Variants in RMND5B observed in about 807,000 individuals in gnomAD.
RMND5B encodes the protein required for meiotic nuclear division 5 homolog B.
RMND5B carries 42 observed loss-of-function variants against 50.4 expected under a neutral mutation model. The ratio of observed to expected loss-of-function variants is 0.83; its 90% confidence interval spans 0.65 to 1.08. The LOEUF is 1.08. Ranked by LOEUF, RMND5B falls within the 50% of genes least tolerant of loss-of-function variation. The probability of loss-of-function intolerance (pLI) is 0.00; values close to 1 mark genes in which losing one functional copy is unlikely to be tolerated. For synonymous variants in RMND5B, 220 were observed against 210.0 expected (o/e 1.05, Z -0.41); for missense variants, 463 against 508.5 (o/e 0.91, Z 0.86).
chr5:178,149,899 C>A lies in RMND5B; in HGVS notation c.*1867C>A. ...CTGTACAACCTGTATGCCAGGAAGT[C>A]ACCAACTGATGACCCACCAGCCTAA... is the stretch of plus-strand genomic sequence containing the variant. On this transcript the variant is annotated 3_prime_UTR_variant, in exon 11 of 11. Transcript: ENST00000313386. The A allele has an allele frequency of 6.3e-7, 1 of 1,588,652 alleles. No homozygotes were observed. The highest frequency in any genetic ancestry group is 1.1e-5 in the South Asian group (1 of 88,346).
Position 178,147,600 on chromosome 5 carries a change from T to C in RMND5B, c.928T>C (p.Cys310Arg), listed in dbSNP as rs1756091705. The C allele has an allele frequency of 6.2e-7, 1 of 1,614,146 alleles. No homozygotes were observed. Among genetic ancestry groups the C allele is most frequent in the Admixed American group, 1.7e-5 (1 of 60,006 alleles). Residue 310 changes from cysteine (C) to arginine (R), a missense_variant, in exon 9 of 11, where the codon TGC becomes CGC. Coordinates refer to ENST00000313386, the MANE Select transcript of RMND5B (RefSeq NM_022762.5). ...NIKAVIEQRQ[C>R]TGVWNHKDEL... ...CAAGGCTGTGATTGAGCAGCGGCAG[T>C]GCACTGGGGTCTGGAATCACAAGGA... is the stretch of plus-strand genomic sequence containing the variant.
intron 2 of RMND5B, among the ~76,000 whole-genome samples, chr5:178,132,547 G>A (rs1002625138): frequency 1.3e-5 from 2 of 151,786 alleles, no homozygotes; most frequent in African/African-American, 2.4e-5. Flanking sequence ...GCCCTGCATG[G>A]ACCACTTACA....
At chr5:178,144,286 C>G (rs1755858216) in intron 7 of RMND5B, among the ~76,000 whole-genome samples, 178 bp downstream of exon 7, 2 of 152,234 alleles carry the variant, frequency 1.3e-5, no homozygotes, top group South Asian at 2.1e-4. Flanking sequence ...GACTCCTCCT[C>G]TCTCACATCT....
chr5:178,133,231 C>T (rs1758430610), intron 2 of RMND5B, among the ~76,000 whole-genome samples: 1 of 152,148 alleles, frequency 6.6e-6, no homozygotes, highest in Admixed American at 6.5e-5. Flanking sequence ...TCTCCTTACA[C>T]AGGAGCCCCT....
chr5:178,147,957 C>T lies in RMND5B; in HGVS notation c.1119-12C>T, dbSNP rs1756126740. The T allele has an allele frequency of 6.2e-7, 1 of 1,614,190 alleles. No individual in the cohort carries two copies. Among genetic ancestry groups the T allele is most frequent in the Non-Finnish European group, 8.5e-7 (1 of 1,180,036 alleles). On this transcript the variant is annotated splice_polypyrimidine_tract_variant and intron_variant, in intron 10 of 10. Transcript: ENST00000313386. ...CACCCCTGAGACGTTCTCGGTTCTCCTCCCTTTGCAGGCTGAAGTGTCCCT... is the reference window on the plus strand; with the variant it reads ...CACCCCTGAGACGTTCTCGGTTCTCTTCCCTTTGCAGGCTGAAGTGTCCCT...
chr5:178,147,303 C>T, intron 8 of RMND5B: 1 of 572,352 alleles, frequency 1.7e-6, no homozygotes, highest in East Asian at 2.9e-5. Context: ...AGGAAGTCTT[C>T]CCTGTAGGTT....
intron 7 of RMND5B, 162 bp from the exon 8 acceptor site, chr5:178,145,952 T>C: frequency 3.2e-6 from 2 of 634,602 alleles, no homozygotes; most frequent in Middle Eastern, 4.4e-4. Context: ...GATTTTACAG[T>C]CAAATTTGCC....
rs376883736 is a variant in RMND5B at position 178,147,895 on chromosome 5, G to A, written c.1118+12G>A. 20 of 1,613,982 alleles carry A rather than the reference G, an allele frequency of 1.2e-5. 1 individual carries two copies. The African/African-American group carries it at 1.3e-4, about 11-fold the overall frequency. On this transcript the variant is annotated intron_variant, in intron 10 of 10. Transcript: ENST00000313386. The stretch of plus-strand genomic sequence containing the variant: ...ATTAATGGAGGAAAGTAAGTTCCCC[G>A]TGCTCTACTCCACCTTGGCTTGGCT...
chr5:178,140,827 C>CA lies in RMND5B; in HGVS notation c.140-1741dup, dbSNP rs113302363. On this transcript the variant is annotated intron_variant, in intron 3 of 10. Coordinates refer to ENST00000313386, the MANE Select transcript of RMND5B (RefSeq NM_022762.5). ...CATGGGTGACAAAGCGAGACTGTCTCAAAAAAAAAAAAAAAGTAGTTTGTG... is the reference window on the plus strand; with the variant it reads ...CATGGGTGACAAAGCGAGACTGTCTCAAAAAAAAAAAAAAAAGTAGTTTGTG... 4.2e-3 allele frequency among the ~76,000 whole-genome samples: 512 copies of CA among 120,534 alleles called. 6 individuals carry two copies. The highest frequency in any genetic ancestry group is 0.021 in the South Asian group (82 of 3,870). 79.1% of individuals were successfully genotyped at this position (120,534 alleles called of 152,430 possible).
At chr5:178,146,040 C>T (rs1361459471) in intron 7 of RMND5B, 74 bp from the exon 8 acceptor site, 98 of 1,497,218 alleles carry the variant, frequency 6.5e-5, no homozygotes, top group Non-Finnish European at 8.7e-5. Context: ...CTGTGCTGCA[C>T]AGTCCTGCTG....
chr5:178,135,182 C>G (rs80289864), intron 2 of RMND5B: 6 of 188,742 alleles, frequency 3.2e-5, no homozygotes, highest in South Asian at 6.3e-5. Flanking sequence ...GGGTCTCACT[C>G]TTGCTCAGGC....
chr5:178,147,843 A>G lies in RMND5B; in HGVS notation c.1078A>G (p.Ile360Val), dbSNP rs1321345215. Residue 360 changes from isoleucine (I) to valine (V), a missense_variant, in exon 10 of 11, where the codon ATC becomes GTC. Physicochemically the swap from Ile to Val is conservative, Grantham distance 29. Transcript: ENST00000313386. ...CATCAAGCTCATCTGTGGCCATGTTATCTCCCGAGATGCACTCAATAAGCT... is the reference window on the plus strand; with the variant it reads ...CATCAAGCTCATCTGTGGCCATGTTGTCTCCCGAGATGCACTCAATAAGCT... ...PPIKLICGHV[I>V]SRDALNKLIN... 1 of 1,614,058 alleles carries G rather than the reference A, an allele frequency of 6.2e-7. No homozygotes were observed. Among genetic ancestry groups the G allele is most frequent in the South Asian group, 1.1e-5 (1 of 91,068 alleles).
chr5:178,147,471 C>A, intron 8 of RMND5B, 62 bp from the exon 9 acceptor site: 1 of 1,351,174 alleles, frequency 7.4e-7, no homozygotes, highest in Non-Finnish European at 1.0e-6. Flanking sequence ...GCATGGCGCG[C>A]TGGCCCTTTT....
chr5:178,149,986 G>C lies in RMND5B; in HGVS notation c.*1954G>C, dbSNP rs549800607. 14 of 845,116 alleles carry C rather than the reference G, an allele frequency of 1.7e-5. No homozygotes were observed. The South Asian group carries it at 2.3e-4, about 14-fold the overall frequency. The allele number at this position is 845,116 out of a possible 1,614,324, so 52.4% of individuals were successfully genotyped here. A position where few individuals can be genotyped will look rare whatever the true frequency, so the allele number is the denominator to read the frequency against. On this transcript the variant is annotated 3_prime_UTR_variant, in exon 11 of 11. Coordinates refer to ENST00000313386, the MANE Select transcript of RMND5B (RefSeq NM_022762.5). ...TATTTAAAAGCATCTTGAATTGGTT[G>C]CCATCATTTAAACTCAATCAGACTT...
chr5:178,147,765 TC>T lies in RMND5B; in HGVS notation c.1002del (p.Val335CysfsTer40). The T allele has an allele frequency of 6.2e-7, 1 of 1,614,150 alleles. No homozygotes were observed. The highest frequency in any genetic ancestry group is 8.5e-7 in the Non-Finnish European group (1 of 1,180,034). On this transcript the variant is annotated frameshift_variant, in exon 10 of 11. Coordinates refer to ENST00000313386, the MANE Select transcript of RMND5B (RefSeq NM_022762.5). LOFTEE classifies it high-confidence loss of function. ...ACTAGGCATGAAGTGCTGGTACCAC[TC>T]CGTGTTCGCTTGCCCCATCCTCCGC... ...IELGMKCWYH[S>X]VFACPILRQQ...
At position 178,149,702 on chromosome 5, in the gene RMND5B, A is replaced by C. The variant is rs200781371; in HGVS notation, c.*1670A>C. On this transcript the variant is annotated 3_prime_UTR_variant, in exon 11 of 11. Transcript: ENST00000313386. ...TTCCAGCGGCAGGTGCCCAGGTGCT[A>C]CCGGAGCCCCTCATAGGGGTAGGGG... 3 of 1,612,848 alleles carry C rather than the reference A, an allele frequency of 1.9e-6. No individual in the cohort carries two copies. In the East Asian group the frequency reaches 6.7e-5, roughly 36 times the overall value.
In RMND5B at chr5:178,134,452, T is replaced by G. The variant is rs560060339; in HGVS notation, c.-13+3076T>G. Among the ~76,000 whole-genome samples the G allele has an allele frequency of 2.6e-5, 4 of 152,162 alleles. No individual in the cohort carries two copies. The East Asian group carries it at 7.7e-4, about 29-fold the overall frequency. On this transcript the variant is annotated intron_variant, in intron 2 of 10. Transcript: ENST00000313386. ...GTCATCCTGGTGGATAATTTCTGTA[T>G]ATGTGAGACCTTGGGGAGGAAGGCT...
chr5:178,137,959 A>G lies in RMND5B; in HGVS notation c.-12-149A>G, dbSNP rs759234634. The G allele has an allele frequency of 1.4e-6, 1 of 701,294 alleles. No homozygotes were observed. Among genetic ancestry groups the G allele is most frequent in the African/African-American group, 1.8e-5 (1 of 54,138 alleles). 43.4% of individuals were successfully genotyped at this position (701,294 alleles called of 1,614,324 possible). A position where few individuals can be genotyped will look rare whatever the true frequency, so the allele number is the denominator to read the frequency against. On this transcript the variant is annotated intron_variant, in intron 2 of 10. Transcript: ENST00000313386. This position sits in a 1 kb window ranked among gnomAD's most constrained non-coding sequence, Gnocchi z 4.4. ...TGGGATGTTATATGCTTACCAAAAC[A>G]TAGGTACATATATACATATATGTAC...
rs902778590 is a variant in RMND5B, at chr5:178,149,410, C to T, written c.*1378C>T. The T allele has an allele frequency of 1.9e-5, 7 of 365,044 alleles. No homozygotes were observed. Among genetic ancestry groups the T allele is most frequent in the African/African-American group, 1.1e-4 (5 of 47,502 alleles). 22.6% of individuals were successfully genotyped at this position (365,044 alleles called of 1,614,324 possible). ...GCTTCACTCTTCCCGCCCACCAACT[C>T]GCTGGCCCAACCAGCAGCTGCTGCT... On this transcript the variant is annotated 3_prime_UTR_variant, in exon 11 of 11. Transcript: ENST00000313386.
Sources: allele counts gnomAD v4.1 joint callset (sites outside exome capture counted in the v4.1 genomes callset), GRCh38; gene constraint gnomAD v4.1.1; non-coding constraint Gnocchi (gnomAD v3.1); transcripts MANE v1.5; gene names NCBI Gene and HGNC (gene_info 2026-07-23, HGNC 2026-07-21).